Variants in STRIP2 observed in about 807,000 individuals in gnomAD.
The protein encoded by STRIP2 is striatin interacting protein 2.
A neutral mutation model predicts 107.1 loss-of-function variants in STRIP2; 84 were observed. That is an observed-to-expected ratio of 0.78 (90% CI 0.66 to 0.94). STRIP2 has a LOEUF of 0.94. Among genes scored for constraint, STRIP2 ranks in the 40% least tolerant of loss-of-function variants. STRIP2 has a pLI of 0.00. For synonymous variants in STRIP2, 394 were observed against 400.4 expected (o/e 0.98, Z 0.19); for missense variants, 888 against 1,034.2 (o/e 0.86, Z 1.94).
At chr7:129,474,053 A>T (rs1241230029) in intron 18 of STRIP2, among the ~76,000 whole-genome samples, 1 of 152,152 alleles carries the variant, frequency 6.6e-6, no homozygotes, top group Non-Finnish European at 1.5e-5. Context: ...ATAATATTCC[A>T]CTATTTAGTT....
At chr7:129,475,539 G>T in intron 18 of STRIP2, among the ~76,000 whole-genome samples, 2 of 97,588 alleles carry the variant, frequency 2.0e-5, no homozygotes, top group African/African-American at 4.3e-5. Flanking sequence ...GAGTGGTGAT[G>T]ACTCTTTTTT....
At chr7:129,449,799 C>G (rs959524714) in intron 3 of STRIP2, among the ~76,000 whole-genome samples, 1 of 152,210 alleles carries the variant, frequency 6.6e-6, no homozygotes, top group Non-Finnish European at 1.5e-5. Context: ...TCAGCTCTTT[C>G]TCTGCAGGAG....
At chr7:129,445,304 C>G (rs1351147928) in intron 3 of STRIP2, among the ~76,000 whole-genome samples, 12 of 152,146 alleles carry the variant, frequency 7.9e-5, no homozygotes, top group Non-Finnish European at 1.2e-4. Flanking sequence ...AACACTGTAA[C>G]TCCCTTCTTA....
chr7:129,449,025 C>T (rs955832705), intron 3 of STRIP2, among the ~76,000 whole-genome samples: 2 of 152,206 alleles, frequency 1.3e-5, no homozygotes, highest in African/African-American at 4.8e-5. Context: ...CTACATTAAA[C>T]CAAGGGAGAG....
intron 17 of STRIP2, among the ~76,000 whole-genome samples, chr7:129,469,376 A>G (rs930786792): frequency 1.3e-5 from 2 of 152,222 alleles, no homozygotes; most frequent in African/African-American, 4.8e-5. Flanking sequence ...GATGTTCTAG[A>G]TACTTGTAAA....
rs991662416 is a variant in STRIP2 at position 129,434,541 on chromosome 7, A to G, written c.69A>G (p.Lys23=). 4 of 1,518,658 alleles carry G rather than the reference A, an allele frequency of 2.6e-6. No individual in the cohort carries two copies. The highest frequency in any genetic ancestry group is 3.5e-6 in the Non-Finnish European group (4 of 1,140,502). 94.1% of individuals were successfully genotyped at this position (1,518,658 alleles called of 1,614,324 possible). A position where few individuals can be genotyped will look rare whatever the true frequency, so the allele number is the denominator to read the frequency against. The change falls in exon 1 of 21, where the codon AAA becomes AAG. Residue 23 remains lysine, a synonymous_variant. Coordinates refer to ENST00000249344, the MANE Select transcript of STRIP2 (RefSeq NM_020704.3). ...ATGGCAATGGCAACGGCGGCGGCAA[A>G]GGGAAGCAGGCGGCGCCCAAGGGCC... ...PANGNGNGGG[K]GKQAAPKGRE... is the part of the protein sequence containing the mutation.
intron 20 of STRIP2, among the ~76,000 whole-genome samples, chr7:129,484,182 G>C (rs1437609480): frequency 1.3e-5 from 2 of 152,118 alleles, no homozygotes; most frequent in Non-Finnish European, 2.9e-5. Flanking sequence ...TCTATCTATG[G>C]TATTACCTGT....
intron 13 of STRIP2, 101 bp downstream of exon 13, chr7:129,460,473 G>A: frequency 1.0e-6 from 1 of 966,816 alleles, no homozygotes; most frequent in Admixed American, 2.0e-5. Flanking sequence ...ATATTAGGCT[G>A]TAACTGTGTT....
Position 129,458,543 on chromosome 7 carries a change from G to T in STRIP2, c.1274+93G>T. Reference sequence around the variant, plus strand: ...AGTCTATGTATTCAAGGCTCGTTAAGTTGGTCTGGCAGTCAGAACTCCTGG... The same window carrying T: ...AGTCTATGTATTCAAGGCTCGTTAATTTGGTCTGGCAGTCAGAACTCCTGG... On this transcript the variant is annotated intron_variant, in intron 10 of 20. Coordinates refer to ENST00000249344, the MANE Select transcript of STRIP2 (RefSeq NM_020704.3). The surrounding 1 kb of genome is among the most constrained non-coding windows in gnomAD (Gnocchi z 4.6). The T allele has an allele frequency of 7.7e-7, 1 of 1,292,632 alleles. No homozygotes were observed. The highest frequency in any genetic ancestry group is 1.1e-6 in the Non-Finnish European group (1 of 939,080). 80.1% of individuals were successfully genotyped at this position (1,292,632 alleles called of 1,614,324 possible). A position where few individuals can be genotyped will look rare whatever the true frequency, so the allele number is the denominator to read the frequency against.
At chr7:129,475,553 C>CTTTTT (rs1292595061) in intron 18 of STRIP2, among the ~76,000 whole-genome samples, 11 of 35,972 alleles carry the variant, frequency 3.1e-4, no homozygotes, top group East Asian at 2.4e-3. Context: ...CTTTTTTTTT[C>CTTTTT]TTTTTTTTTT....
intron 9 of STRIP2, among the ~76,000 whole-genome samples, chr7:129,457,650 T>G (rs1298553596): frequency 1.3e-5 from 2 of 152,196 alleles, no homozygotes; most frequent in Non-Finnish European, 2.9e-5. Context: ...TGCTTACTCA[T>G]TGTAGAAAAT....
intron 17 of STRIP2, among the ~76,000 whole-genome samples, chr7:129,469,762 T>C (rs565834022): frequency 6.6e-6 from 1 of 152,358 alleles, no homozygotes; most frequent in East Asian, 1.9e-4. Context: ...GTTTTGACTT[T>C]TAAAATGTAG....
intron 3 of STRIP2, among the ~76,000 whole-genome samples, chr7:129,447,840 A>G (rs35277123): frequency 0.31 from 47,062 of 152,198 alleles, 8,527 homozygotes; most frequent in East Asian, 0.6. Context: ...ACGATAATCC[A>G]CTGACATTCT....
rs571423095 is a variant in STRIP2, at chr7:129,458,761, G to A, written c.1324G>A (p.Gly442Arg). Residue 442 changes from glycine to arginine, a missense_variant, in exon 11 of 21, where the codon GGA (glycine) becomes AGA (arginine). Transcript: ENST00000249344. The surrounding 1 kb of genome is among the most constrained non-coding windows in gnomAD (Gnocchi z 4.6). ...FLEMSRNKFI[G>R]FTLGQDTDTL... ...GGAGATGAGCAGGAACAAGTTCATC[G>A]GATTCACCCTGGGGCAGTAAGTGAC... The A allele has an allele frequency of 7.4e-6, 12 of 1,614,126 alleles. No individual in the cohort carries two copies. The African/African-American group carries it at 9.3e-5, about 13-fold the overall frequency.
intron 20 of STRIP2, among the ~76,000 whole-genome samples, chr7:129,485,279 G>A (rs1044775281): frequency 2.6e-5 from 4 of 151,938 alleles, no homozygotes; most frequent in African/African-American, 9.7e-5. Flanking sequence ...AATAGAAGAA[G>A]TCCACCTCCC....
chr7:129,475,710 G>A (rs553356317), intron 18 of STRIP2, among the ~76,000 whole-genome samples: 14 of 152,160 alleles, frequency 9.2e-5, no homozygotes, highest in Admixed American at 5.2e-4. Flanking sequence ...AGGACCCTGC[G>A]GCCTACCGCA....
intron 1 of STRIP2, 138 bp downstream of exon 1, chr7:129,434,739 A>G: frequency 9.0e-7 from 1 of 1,107,596 alleles, no homozygotes; most frequent in Non-Finnish European, 1.2e-6. Context: ...GCGGGGTCCT[A>G]GCGGCTGAAC....
chr7:129,453,844 G>C (rs559096219), intron 5 of STRIP2, among the ~76,000 whole-genome samples: 2 of 152,276 alleles, frequency 1.3e-5, no homozygotes, highest in African/African-American at 4.8e-5. Flanking sequence ...GGTGCAATCT[G>C]CTTATTATTC....
chr7:129,448,447 G>A (rs765140719), intron 3 of STRIP2, among the ~76,000 whole-genome samples: 5 of 152,140 alleles, frequency 3.3e-5, no homozygotes, highest in Admixed American at 6.5e-5. Context: ...AAGGGAACCC[G>A]GCCTCCCCTT....
Sources: gnomAD v4.1 joint callset for allele counts (sites outside exome capture counted in the v4.1 genomes callset) on GRCh38, gnomAD v4.1.1 for gene constraint, Gnocchi (gnomAD v3.1) non-coding constraint, MANE v1.5 for transcripts, NCBI Gene and HGNC (gene_info 2026-07-23, HGNC 2026-07-21) for gene names.